Variants in OTX2 observed in about 807,000 individuals in gnomAD.
The protein encoded by OTX2 is orthodenticle homeobox 2.
Under a neutral mutation model 29.0 loss-of-function variants are expected in OTX2, and 4 were observed. The observed-to-expected ratio is 0.14, with a 90% CI of 0.07 to 0.32. The LOEUF is 0.32. Ranked by LOEUF, OTX2 falls within the 10% of genes least tolerant of loss-of-function variation. The pLI is 1.00. For synonymous variants in OTX2, 134 were observed against 141.0 expected (o/e 0.95, Z 0.35); for missense variants, 298 against 365.9 (o/e 0.81, Z 1.51).
Position 56,802,216 on chromosome 14 carries a change from T to G in OTX2, c.413A>C (p.Gln138Pro), listed in dbSNP as rs867304376. Residue 138 changes from glutamine (Q) to proline (P), a missense_variant, in exon 5 of 5, where the codon CAA becomes CCA. This residue lies in a region of OTX2 where 219 missense variants were observed against 223.5 expected (regional missense o/e 0.98). Coordinates refer to ENST00000672264, the MANE Select transcript of OTX2 (RefSeq NM_021728.4). This position sits in a 1 kb window ranked among gnomAD's most constrained non-coding sequence, Gnocchi z 4.4. ...TGAGGTGCTAGAGGGGGGAGTGAATTGGCCACTTGTTCCACTCTCTGAACT... is the reference window on the plus strand; with the variant it reads ...TGAGGTGCTAGAGGGGGGAGTGAATGGGCCACTTGTTCCACTCTCTGAACT... ...EVSSESGTSG[Q>P]FTPPSSTSVP... 6.2e-7 allele frequency: 1 copy of G among 1,614,106 alleles called. No individual in the cohort carries two copies. Among genetic ancestry groups the G allele is most frequent in the Non-Finnish European group, 8.5e-7 (1 of 1,180,018 alleles).
In OTX2 at chr14:56,805,342, G is replaced by A; in HGVS notation, c.97+18C>T. 1 of 1,548,394 alleles carries A rather than the reference G, an allele frequency of 6.5e-7. No individual in the cohort carries two copies. The highest frequency in any genetic ancestry group is 1.1e-5 in the South Asian group (1 of 89,688). On this transcript the variant is annotated intron_variant, in intron 3 of 4. Transcript: ENST00000672264. The stretch of plus-strand genomic sequence containing the variant: ...GCATGGGGAAGAGGGGTGCGGGAGT[G>A]CAGCAGGGCTCACTTACCCGGGTAG...
At position 56,802,256 on chromosome 14, in the gene OTX2, G is replaced by A. The variant is rs760396081; in HGVS notation, c.373C>T (p.Pro125Ser). ...KVRPAKKKTS[P>S]AREVSSESGT... ...CTCTCTGAACTCACTTCCCGAGCTGGAGATGTCTTCTTTTTGGCAGGTCTC... is the reference window on the plus strand; with the variant it reads ...CTCTCTGAACTCACTTCCCGAGCTGAAGATGTCTTCTTTTTGGCAGGTCTC... The change falls in exon 5 of 5, where the codon CCA becomes TCA. Residue 125 changes from proline to serine, a missense_variant. This residue lies in a region of OTX2 where 219 missense variants were observed against 223.5 expected (regional missense o/e 0.98). Transcript: ENST00000672264. This position sits in a 1 kb window ranked among gnomAD's most constrained non-coding sequence, Gnocchi z 4.4. The A allele has an allele frequency of 6.2e-7, 1 of 1,614,170 alleles. No individual in the cohort carries two copies. The highest frequency in any genetic ancestry group is 8.5e-7 in the Non-Finnish European group (1 of 1,180,024).
chr14:56,808,811 A>G (rs2139544590), intron 2 of OTX2, among the ~76,000 whole-genome samples: 1 of 152,256 alleles, frequency 6.6e-6, no homozygotes, highest in South Asian at 2.1e-4. Flanking sequence ...CACCAGTTCT[A>G]TCTGTGAAGG....
At position 56,810,393 on chromosome 14, in the gene OTX2, T is replaced by C. The variant is rs1594960374; in HGVS notation, c.-201A>G. 6.6e-6 allele frequency: 1 copy of C among 151,952 alleles called. No individual in the cohort carries two copies. The highest frequency in any genetic ancestry group is 1.5e-5 in the Non-Finnish European group (1 of 67,986). 9.4% of individuals were successfully genotyped at this position (151,952 alleles called of 1,614,324 possible). Reference sequence around the variant, plus strand: ...ATACATACAAAGTAGATGTGGCGAGTGAGGGCTGCTCTAGCAATTTTTATT... The same window carrying C: ...ATACATACAAAGTAGATGTGGCGAGCGAGGGCTGCTCTAGCAATTTTTATT... On this transcript the variant is annotated 5_prime_UTR_variant, in exon 1 of 5. Transcript: ENST00000672264.
intron 2 of OTX2, among the ~76,000 whole-genome samples, chr14:56,807,397 G>C (rs915377711): frequency 6.6e-6 from 1 of 152,078 alleles, no homozygotes; most frequent in African/African-American, 2.4e-5. Context: ...GCAAAATTCT[G>C]AACTACAGTG....
At chr14:56,810,017 T>A (rs1259754950) in intron 2 of OTX2, 142 bp downstream of exon 2, 1 of 152,070 alleles carries the variant, frequency 6.6e-6, no homozygotes, top group Non-Finnish European at 1.5e-5. Flanking sequence ...ACCTCAAAAT[T>A]TGTAAGAGAA....
chr14:56,804,450 G>A lies in OTX2; in HGVS notation c.98-87C>T, dbSNP rs1302915246. 1.6e-6 allele frequency: 2 copies of A among 1,267,484 alleles called. No individual in the cohort carries two copies. The highest frequency in any genetic ancestry group is 2.2e-6 in the Non-Finnish European group (2 of 920,058). 78.5% of individuals were successfully genotyped at this position (1,267,484 alleles called of 1,614,324 possible). A position where few individuals can be genotyped will look rare whatever the true frequency, so the allele number is the denominator to read the frequency against. On this transcript the variant is annotated intron_variant, in intron 3 of 4. Coordinates refer to ENST00000672264, the MANE Select transcript of OTX2 (RefSeq NM_021728.4). The surrounding 1 kb of genome is among the most constrained non-coding windows in gnomAD (Gnocchi z 4.1). ...GCCCTCCACCCCGCAGCAGTCCCCC[G>A]TTCCTCACAGCCCTTCAGCCGGGAG... is the stretch of plus-strand genomic sequence containing the variant.
At chr14:56,805,643 G>A (rs966424967) in intron 2 of OTX2, 68 bp from the exon 3 acceptor site, 14 of 616,594 alleles carry the variant, frequency 2.3e-5, no homozygotes, top group Middle Eastern at 4.3e-4. Flanking sequence ...GCTCTTCCAC[G>A]TTCCAGCACT....
intron 3 of OTX2, 33 bp downstream of exon 3, chr14:56,805,327 G>T: frequency 7.0e-7 from 1 of 1,423,962 alleles, no homozygotes; most frequent in Non-Finnish European, 9.9e-7. Context: ...GCATGGGGAA[G>T]AGGGGTGCGG....
At chr14:56,809,237 C>T (rs1006399510) in intron 2 of OTX2, among the ~76,000 whole-genome samples, 17 of 152,314 alleles carry the variant, frequency 1.1e-4, no homozygotes, top group Admixed American at 3.9e-4. Context: ...CCACTTCTGC[C>T]CGCCCCAGGT....
chr14:56,808,311 T>C (rs964566128), intron 2 of OTX2, among the ~76,000 whole-genome samples: 9 of 152,130 alleles, frequency 5.9e-5, no homozygotes, highest in African/African-American at 2.2e-4. Flanking sequence ...ATTTTCTGCA[T>C]GATGGAAAGG....
In OTX2 at chr14:56,800,199, CTT is replaced by C. The variant is rs139107015; in HGVS notation, c.*1534_*1535del. 3.6e-4 allele frequency: 54 copies of C among 152,070 alleles called. 1 individual carries two copies. In the East Asian group the frequency reaches 9.9e-3, roughly 28 times the overall value. The allele number at this position is 152,070 out of a possible 1,614,324, so 9.4% of individuals were successfully genotyped here. A position where few individuals can be genotyped will look rare whatever the true frequency, so the allele number is the denominator to read the frequency against. On this transcript the variant is annotated 3_prime_UTR_variant, in exon 5 of 5. Coordinates refer to ENST00000672264, the MANE Select transcript of OTX2 (RefSeq NM_021728.4). ...TAGGTTTTAAAACTTTTCTGAAACT[CTT>C]TTGTTCAGGAATCATTTCTGCCTGA...
Position 56,800,038 on chromosome 14 carries a change from C to T in OTX2, c.*1697G>A, listed in dbSNP as rs1378281606. The T allele has an allele frequency of 6.6e-6, 1 of 152,074 alleles. No homozygotes were observed. The highest frequency in any genetic ancestry group is 1.5e-5 in the Non-Finnish European group (1 of 68,018). 9.4% of individuals were successfully genotyped at this position (152,074 alleles called of 1,614,324 possible). A position where few individuals can be genotyped will look rare whatever the true frequency, so the allele number is the denominator to read the frequency against. On this transcript the variant is annotated 3_prime_UTR_variant, in exon 5 of 5. Transcript: ENST00000672264. ...CCTGAGGAGCACCATGATCATTGGC[C>T]CATTTGTCTTTTCTGGTGACTGGTT...
intron 4 of OTX2, among the ~76,000 whole-genome samples, chr14:56,803,956 A>G (rs147852929): frequency 3.9e-5 from 6 of 152,290 alleles, no homozygotes; most frequent in African/African-American, 1.4e-4. Context: ...CTGCTCAAGG[A>G]TGGGTCTCTC....
In OTX2 at chr14:56,805,540, TCA is replaced by T; in HGVS notation, c.-86_-85del. On this transcript the variant is annotated 5_prime_UTR_variant, in exon 3 of 5. Coordinates refer to ENST00000672264, the MANE Select transcript of OTX2 (RefSeq NM_021728.4). ...CTTGATGCGCCCGGGGTGGACAGGT[TCA>T]GAGTCCTTGGTGGGTGGGTTTGGAG... The T allele has an allele frequency of 1.2e-6, 1 of 823,208 alleles. No individual in the cohort carries two copies. Among genetic ancestry groups the T allele is most frequent in the African/African-American group, 1.7e-5 (1 of 59,824 alleles). The allele number at this position is 823,208 out of a possible 1,614,324, so 51.0% of individuals were successfully genotyped here.
At position 56,802,488 on chromosome 14, in the gene OTX2, A is replaced by G; in HGVS notation, c.274-133T>C. 1.0e-6 allele frequency: 1 copy of G among 997,418 alleles called. No individual in the cohort carries two copies. The highest frequency in any genetic ancestry group is 1.3e-5 in the South Asian group (1 of 77,494). 61.8% of individuals were successfully genotyped at this position (997,418 alleles called of 1,614,324 possible). On this transcript the variant is annotated intron_variant, in intron 4 of 4. Transcript: ENST00000672264. This position sits in a 1 kb window ranked among gnomAD's most constrained non-coding sequence, Gnocchi z 4.4. ...CAATTTCCCCTGCCACTGAAGACCT[A>G]TTATGTGGTACTCTCATATAAACTC... is the stretch of plus-strand genomic sequence containing the variant.
At position 56,802,668 on chromosome 14, in the gene OTX2, T is replaced by C. The variant is rs1891935690; in HGVS notation, c.274-313A>G. On this transcript the variant is annotated intron_variant, in intron 4 of 4. Coordinates refer to ENST00000672264, the MANE Select transcript of OTX2 (RefSeq NM_021728.4). This position sits in a 1 kb window ranked among gnomAD's most constrained non-coding sequence, Gnocchi z 4.4. ...TCTTATTTCGCCTCTAACACACACA[T>C]ACACATAGACCCAGCTATATTTTGG... Among the ~76,000 whole-genome samples, 1 of 152,146 alleles carries C rather than the reference T, an allele frequency of 6.6e-6. No individual in the cohort carries two copies. Among genetic ancestry groups the C allele is most frequent in the African/African-American group, 2.4e-5 (1 of 41,422 alleles).
intron 2 of OTX2, chr14:56,806,601 CAG>C (rs972737839): frequency 4.3e-4 from 66 of 152,292 alleles, no homozygotes; most frequent in African/African-American, 1.3e-3. Flanking sequence ...GCAGCTGCAG[CAG>C]AGTTTCCTGT....
intron 2 of OTX2, among the ~76,000 whole-genome samples, 160 bp downstream of exon 2, chr14:56,809,999 G>T (rs1442755818): frequency 3.3e-5 from 5 of 152,048 alleles, no homozygotes; most frequent in Non-Finnish European, 7.3e-5. Flanking sequence ...TGCAACGATC[G>T]TTATTACACC....
Sources: gnomAD v4.1 joint callset for allele counts (sites outside exome capture counted in the v4.1 genomes callset) on GRCh38, gnomAD v4.1.1 for gene constraint, gnomAD v4.1.1 regional missense constraint, Gnocchi (gnomAD v3.1) non-coding constraint, MANE v1.5 for transcripts, NCBI Gene and HGNC (gene_info 2026-07-23, HGNC 2026-07-21) for gene names.